The following DPP10 variants were observed in gnomAD, a reference collection of about 807,000 sequenced individuals.
The protein encoded by DPP10 is inactive dipeptidyl peptidase 10.
DPP10 carries 33 observed loss-of-function variants against 120.9 expected under a neutral mutation model. The observed-to-expected ratio is 0.27, with a 90% CI of 0.21 to 0.37. The LOEUF (loss-of-function observed/expected upper bound fraction) is 0.37. Ranked by LOEUF, DPP10 falls within the 10% of genes least tolerant of loss-of-function variation. The pLI, the probability that DPP10 is intolerant of heterozygous loss-of-function variation, is 1.00. For synonymous variants in DPP10, 337 were observed against 326.1 expected (o/e 1.03, Z -0.36); for missense variants, 816 against 942.8 (o/e 0.87, Z 1.76).
intron 1 of DPP10, among the ~76,000 whole-genome samples, chr2:115,154,525 T>C (rs537391250): frequency 3.7e-4 from 56 of 152,272 alleles, no homozygotes; most frequent in African/African-American, 1.2e-3. Context: ...ACATGTCAAG[T>C]AGAGAAAAGT....
intron 7 of DPP10, among the ~76,000 whole-genome samples, chr2:115,706,849 C>A (rs756494368): frequency 6.6e-6 from 1 of 151,934 alleles, no homozygotes; most frequent in Non-Finnish European, 1.5e-5. Context: ...GCAGATAACT[C>A]CCCAAAGGGA....
intron 5 of DPP10, 30 bp downstream of exon 5, chr2:115,526,002 T>G (rs770685991): frequency 1.9e-6 from 3 of 1,566,912 alleles, no homozygotes; most frequent in Non-Finnish European, 2.6e-6. Context: ...TGAGAATACT[T>G]TTCTTTGTGA....
chr2:115,760,818 C>T (rs554964862), intron 11 of DPP10, among the ~76,000 whole-genome samples: 2 of 152,192 alleles, frequency 1.3e-5, no homozygotes, highest in South Asian at 2.1e-4. Context: ...GCCTACAGGC[C>T]GGCTGTGGTG....
chr2:114,887,029 T>A (rs1251961201), intron 1 of DPP10, among the ~76,000 whole-genome samples: 1 of 152,222 alleles, frequency 6.6e-6, no homozygotes, highest in Non-Finnish European at 1.5e-5. Flanking sequence ...ACTGTAGTCT[T>A]TTTTAACTCT....
intron 1 of DPP10, among the ~76,000 whole-genome samples, chr2:114,556,922 G>A (rs1688358943): frequency 6.6e-6 from 1 of 151,830 alleles, no homozygotes; most frequent in Admixed American, 6.6e-5. Flanking sequence ...AAAGAGTGTG[G>A]TGGAGGACCA....
Position 114,735,043 on chromosome 2 carries a change from C to T in DPP10, c.60+292205C>T, listed in dbSNP as rs556580127. Among the ~76,000 whole-genome samples the T allele has an allele frequency of 4.6e-5, 7 of 152,050 alleles. No individual in the cohort carries two copies. In the South Asian group the frequency reaches 6.2e-4, roughly 14 times the overall value. On this transcript the variant is annotated intron_variant, in intron 1 of 25. Coordinates refer to ENST00000410059, the MANE Select transcript of DPP10 (RefSeq NM_020868.6). ...ATCTCTTCCTTTCTTATATGGGTAC[C>T]GATCAGATTGCATTAGGGCCCACCT...
chr2:114,450,995 C>A lies in DPP10; in HGVS notation c.60+8157C>A, dbSNP rs576138251. On this transcript the variant is annotated intron_variant, in intron 1 of 25. Coordinates refer to ENST00000410059, the MANE Select transcript of DPP10 (RefSeq NM_020868.6). ...ACACCACTTCTCCCAACTCTGGTTT[C>A]CAGAATTTTGCCCTAAGAAAAATGA... Among the ~76,000 whole-genome samples the A allele has an allele frequency of 2.0e-5, 3 of 152,154 alleles. No individual in the cohort carries two copies. The East Asian group carries it at 5.8e-4, about 29-fold the overall frequency.
At chr2:115,110,029 T>C (rs111315238) in intron 1 of DPP10, among the ~76,000 whole-genome samples, 3,622 of 152,186 alleles carry the variant, frequency 0.024, 124 homozygotes, top group African/African-American at 0.073. Flanking sequence ...TTGGGCAAAA[T>C]AAAATATATC....
intron 1 of DPP10, among the ~76,000 whole-genome samples, chr2:115,127,928 A>T (rs10179992): frequency 0.11 from 16,991 of 151,930 alleles, 1,288 homozygotes; most frequent in East Asian, 0.3. Flanking sequence ...AGTTATTTTA[A>T]CTTTCTTTTG....
rs566202246 is a variant in DPP10, at chr2:115,761,276, T to C, written c.1075-1296T>C. Among the ~76,000 whole-genome samples, 147 of 152,204 alleles carry C rather than the reference T, an allele frequency of 9.7e-4. 1 individual carries two copies. Among genetic ancestry groups the C allele is most frequent in the African/African-American group, 3.3e-3 (136 of 41,552 alleles). ...AAAATTAAAGTAAAAATTTAAAAAT[T>C]AGCCTACATATATTGTAGTTAGAGA... is the stretch of plus-strand genomic sequence containing the variant. On this transcript the variant is annotated intron_variant, in intron 11 of 25. Coordinates refer to ENST00000410059, the MANE Select transcript of DPP10 (RefSeq NM_020868.6).
intron 1 of DPP10, among the ~76,000 whole-genome samples, chr2:115,151,974 AT>A: frequency 6.9e-6 from 1 of 145,332 alleles, no homozygotes; most frequent in Non-Finnish European, 1.5e-5. Context: ...TTTCTTTCTA[AT>A]TTTTTCTTGA....
At chr2:114,849,039 C>T (rs200379528) in intron 1 of DPP10, among the ~76,000 whole-genome samples, 1 of 152,174 alleles carries the variant, frequency 6.6e-6, no homozygotes, top group Admixed American at 6.5e-5. Context: ...GAGAGCACTG[C>T]AATAGCAACC....
chr2:114,632,886 A>T (rs554338337), intron 1 of DPP10, among the ~76,000 whole-genome samples: 1 of 152,072 alleles, frequency 6.6e-6, no homozygotes, highest in Admixed American at 6.6e-5. Context: ...AATTATCCCA[A>T]ATTTGACAAG....
chr2:114,745,731 G>A (rs1468985548), intron 1 of DPP10, among the ~76,000 whole-genome samples: 1 of 152,124 alleles, frequency 6.6e-6, no homozygotes, highest in Non-Finnish European at 1.5e-5. Context: ...TAAATGTTTT[G>A]AACATCAGGA....
At chr2:115,150,733 G>C (rs1038228393) in intron 1 of DPP10, among the ~76,000 whole-genome samples, 2 of 152,116 alleles carry the variant, frequency 1.3e-5, no homozygotes, top group Non-Finnish European at 2.9e-5. Flanking sequence ...ATGAGGTATT[G>C]GACAATTGAA....
intron 13 of DPP10, among the ~76,000 whole-genome samples, chr2:115,768,963 C>T (rs1172809517): frequency 1.3e-5 from 2 of 150,636 alleles, no homozygotes; most frequent in Admixed American, 6.6e-5. Context: ...TTTAGACTTT[C>T]CGATAAAAAG....
At chr2:114,571,971 TTATG>T (rs1015463416) in intron 1 of DPP10, among the ~76,000 whole-genome samples, 1 of 148,906 alleles carries the variant, frequency 6.7e-6, no homozygotes, top group Non-Finnish European at 1.5e-5. Context: ...TGTGTATATA[TTATG>T]TATATGTAGT....
chr2:115,481,632 A>C (rs1368820504), intron 3 of DPP10, among the ~76,000 whole-genome samples: 3 of 151,984 alleles, frequency 2.0e-5, no homozygotes, highest in African/African-American at 7.2e-5. Context: ...GGAGCCAATT[A>C]TTTTGTCGAC....
chr2:115,489,323 T>G (rs1165289511), intron 3 of DPP10, among the ~76,000 whole-genome samples: 1 of 151,434 alleles, frequency 6.6e-6, no homozygotes, highest in Non-Finnish European at 1.5e-5. Flanking sequence ...AAACCAAAAA[T>G]AAAACCCTAA....
Sources: gnomAD v4.1 joint callset for allele counts (sites outside exome capture counted in the v4.1 genomes callset) on GRCh38, gnomAD v4.1.1 for gene constraint, MANE v1.5 for transcripts, NCBI Gene and HGNC (gene_info 2026-07-23, HGNC 2026-07-21) for gene names.